The following UGT1A9 variants were observed in gnomAD, a reference collection of about 807,000 sequenced individuals.
UGT1A9 encodes UDP-glucuronosyltransferase 1A9.
UGT1A9 carries 35 observed loss-of-function variants against 45.0 expected under a neutral mutation model. That is an observed-to-expected ratio of 0.78 (90% CI 0.59 to 1.03). The LOEUF (loss-of-function observed/expected upper bound fraction) is 1.03, where lower values mean the gene tolerates loss of function less well. Ranked by LOEUF, UGT1A9 falls within the 50% of genes least tolerant of loss-of-function variation. UGT1A9 has a pLI of 0.00. For synonymous variants in UGT1A9, 278 were observed against 250.6 expected, an observed-to-expected ratio of 1.11 and a Z score of -1.03; for missense variants, 687 against 666.6, an observed-to-expected ratio of 1.03 and a Z score of -0.34.
intron 1 of UGT1A9, among the ~76,000 whole-genome samples, chr2:233,742,351 C>G (rs1691948026): frequency 6.6e-6 from 1 of 151,962 alleles, no homozygotes; most frequent in South Asian, 2.1e-4. Flanking sequence ...GGCTAATTAT[C>G]TGCAGCAGAA....
intron 1 of UGT1A9, chr2:233,729,619 C>A: frequency 6.2e-7 from 1 of 1,613,978 alleles, no homozygotes; most frequent in Non-Finnish European, 8.5e-7. Context: ...GGCTAAGTAC[C>A]TGTCGATTCC....
chr2:233,729,060 A>G (rs1266592558), intron 1 of UGT1A9: 4 of 1,610,542 alleles, frequency 2.5e-6, no homozygotes, highest in Non-Finnish European at 3.4e-6. Flanking sequence ...GGTAATTAAG[A>G]TGAAGAAAGC....
chr2:233,770,519 A>G (rs1327661350), intron 4 of UGT1A9: 1 of 152,120 alleles, frequency 6.6e-6, no homozygotes, highest in Non-Finnish European at 1.5e-5. Flanking sequence ...TTACCCAGGC[A>G]TGGTGGTGTA....
At chr2:233,713,162 G>GGTGGT (rs776401165) in intron 1 of UGT1A9, 1 of 1,614,256 alleles carries the variant, frequency 6.2e-7, no homozygotes, top group Non-Finnish European at 8.5e-7. Flanking sequence ...GAGGCCACCA[G>GGTGGT]GTGGTGGTCC....
At chr2:233,762,613 G>C (rs1698113480) in intron 1 of UGT1A9, among the ~76,000 whole-genome samples, 2 of 152,034 alleles carry the variant, frequency 1.3e-5, no homozygotes, top group South Asian at 4.1e-4. Flanking sequence ...GAGTTTTGTT[G>C]TTGTGACCTC....
chr2:233,741,944 G>C (rs570984186), intron 1 of UGT1A9: 2 of 152,018 alleles, frequency 1.3e-5, no homozygotes, highest in African/African-American at 4.8e-5. Context: ...TGTGCCAACA[G>C]AAAGGTACTT....
At chr2:233,768,582 CTTTT>C (rs139595073) in intron 4 of UGT1A9, 143 bp downstream of exon 4, 9,680 of 1,016,394 alleles carry the variant, frequency 9.5e-3, no homozygotes, top group East Asian at 0.022. Flanking sequence ...TTTATTTCTT[CTTTT>C]TTTTTTTTTT....
intron 1 of UGT1A9, chr2:233,753,260 C>T (rs917926378): frequency 2.6e-5 from 4 of 152,220 alleles, no homozygotes; most frequent in African/African-American, 9.6e-5. Context: ...ACTACCCAGG[C>T]ACCTTGGAGC....
At chr2:233,699,290 G>A (rs2075496429) in intron 1 of UGT1A9, among the ~76,000 whole-genome samples, 1 of 152,104 alleles carries the variant, frequency 6.6e-6, no homozygotes, top group Admixed American at 6.5e-5. Context: ...CAGATGCTGG[G>A]ACACTCTTAT....
At chr2:233,705,329 T>C (rs1353705236) in intron 1 of UGT1A9, among the ~76,000 whole-genome samples, 3 of 152,204 alleles carry the variant, frequency 2.0e-5, no homozygotes, top group Non-Finnish European at 4.4e-5. Context: ...AGCAACACAT[T>C]CTCTCAATTT....
intron 1 of UGT1A9, chr2:233,713,823 G>A (rs2076349507): frequency 1.9e-6 from 3 of 1,613,920 alleles, no homozygotes; most frequent in African/African-American, 1.3e-5. Flanking sequence ...CTTCATTGGG[G>A]GCATCAACTG....
intron 1 of UGT1A9, among the ~76,000 whole-genome samples, chr2:233,687,527 C>G (rs2074843265): frequency 6.9e-6 from 1 of 145,906 alleles, no homozygotes; most frequent in South Asian, 2.2e-4. Flanking sequence ...GTGACTTGCC[C>G]AAGGTTATGC....
chr2:233,693,756 C>G, intron 1 of UGT1A9: 1 of 1,614,248 alleles, frequency 6.2e-7, no homozygotes, highest in Non-Finnish European at 8.5e-7. Flanking sequence ...CAGAAGGTCT[C>G]TGTTTGGCTG....
At chr2:233,719,235 AG>A in intron 1 of UGT1A9, 1 of 1,614,202 alleles carries the variant, frequency 6.2e-7, no homozygotes, top group Non-Finnish European at 8.5e-7. Flanking sequence ...GGCCCTGATC[AG>A]GCACCTGAAT....
intron 1 of UGT1A9, chr2:233,682,906 G>T (rs2074606702): frequency 8.7e-6 from 13 of 1,497,714 alleles, no homozygotes; most frequent in South Asian, 1.4e-5. Flanking sequence ...TTTCTTTCTG[G>T]TTTAAGGAAT....
At chr2:233,688,020 C>A (rs764299629) in intron 1 of UGT1A9, among the ~76,000 whole-genome samples, 1 of 152,224 alleles carries the variant, frequency 6.6e-6, no homozygotes, top group East Asian at 1.9e-4. Context: ...AATCAACCAT[C>A]ACCAATATCT....
chr2:233,729,966 C>G, intron 1 of UGT1A9: 1 of 1,614,088 alleles, frequency 6.2e-7, no homozygotes, highest in Non-Finnish European at 8.5e-7. Context: ...GGGGCATCAA[C>G]TGTGCCAACA....
intron 1 of UGT1A9, among the ~76,000 whole-genome samples, chr2:233,703,856 T>A (rs1016851767): frequency 2.6e-5 from 4 of 152,164 alleles, no homozygotes; most frequent in Non-Finnish European, 4.4e-5. Flanking sequence ...AATACTATTA[T>A]TGATGTAGAT....
chr2:233,690,865 C>T (rs2075019127), intron 1 of UGT1A9: 1 of 1,062,876 alleles, frequency 9.4e-7, no homozygotes. Flanking sequence ...TCTTAATTTG[C>T]AAGAAGGTGT....
Sources: gnomAD v4.1 joint callset for allele counts (sites outside exome capture counted in the v4.1 genomes callset) on GRCh38, gnomAD v4.1.1 for gene constraint, MANE v1.5 for transcripts, NCBI Gene and HGNC (gene_info 2026-07-23, HGNC 2026-07-21) for gene names.